The following PHACTR1 variants were observed in gnomAD, a reference collection of about 807,000 sequenced individuals.
The protein encoded by PHACTR1 is RPEL repeat containing 1.
PHACTR1 carries 16 observed loss-of-function variants against 69.2 expected under a neutral mutation model. The ratio of observed to expected loss-of-function variants is 0.23; its 90% CI spans 0.16 to 0.35. The LOEUF is 0.35. Ranked by LOEUF, PHACTR1 falls within the 10% of genes least tolerant of loss-of-function variation. PHACTR1 has a pLI of 1.00. For missense variants in PHACTR1, 510 were observed against 734.7 expected (o/e 0.69, Z 3.54); for synonymous variants, 312 against 284.5 (o/e 1.10, Z -0.97).
intron 5 of PHACTR1, among the ~76,000 whole-genome samples, chr6:13,106,987 T>C (rs1017585076): frequency 2.0e-5 from 3 of 152,244 alleles, no homozygotes; most frequent in Admixed American, 6.5e-5. Context: ...ATGTTTATGT[T>C]CATGAGAGAT....
At chr6:12,845,053 C>CAA (rs1779066934) in intron 4 of PHACTR1, among the ~76,000 whole-genome samples, 1 of 152,122 alleles carries the variant, frequency 6.6e-6, no homozygotes, top group Non-Finnish European at 1.5e-5. Flanking sequence ...TTAATAAAGC[C>CAA]ATAATGGTAT....
chr6:13,271,382 A>T (rs1455649452), intron 10 of PHACTR1, among the ~76,000 whole-genome samples: 1 of 152,198 alleles, frequency 6.6e-6, no homozygotes, highest in Non-Finnish European at 1.5e-5. Flanking sequence ...GAGACATTGA[A>T]GCCCATTCCC....
At chr6:13,051,850 A>G (rs2127733767) in intron 4 of PHACTR1, among the ~76,000 whole-genome samples, 1 of 152,260 alleles carries the variant, frequency 6.6e-6, no homozygotes, top group African/African-American at 2.4e-5. Context: ...TTCCCCAGAA[A>G]TGATCATAGT....
intron 8 of PHACTR1, among the ~76,000 whole-genome samples, chr6:13,211,580 T>C (rs759654541): frequency 3.3e-5 from 5 of 152,212 alleles, no homozygotes; most frequent in African/African-American, 4.8e-5. Flanking sequence ...CTTTCCCTTC[T>C]CAATTAAAGG....
intron 4 of PHACTR1, among the ~76,000 whole-genome samples, chr6:12,881,275 C>T (rs73362158): frequency 0.069 from 10,493 of 152,182 alleles, 433 homozygotes; most frequent in Middle Eastern, 0.12. Flanking sequence ...GAGTGACTCT[C>T]AAGTTTCCAG....
chr6:12,742,084 G>C (rs1419612694), intron 3 of PHACTR1, among the ~76,000 whole-genome samples: 2 of 151,878 alleles, frequency 1.3e-5, no homozygotes, highest in Non-Finnish European at 2.9e-5. Flanking sequence ...ATGATTTGGG[G>C]GGGATTTTTT....
intron 10 of PHACTR1, among the ~76,000 whole-genome samples, chr6:13,257,976 G>A (rs1775405390): frequency 6.6e-6 from 1 of 152,126 alleles, no homozygotes; most frequent in African/African-American, 2.4e-5. Flanking sequence ...TGACGCTGGG[G>A]ACCACGCTGT....
At chr6:12,750,065 G>A (rs1213694666) in intron 4 of PHACTR1, among the ~76,000 whole-genome samples, 1 of 152,154 alleles carries the variant, frequency 6.6e-6, no homozygotes, top group African/African-American at 2.4e-5. Context: ...GTGATCCCGG[G>A]AATAACCCGG....
intron 4 of PHACTR1, among the ~76,000 whole-genome samples, chr6:12,876,391 T>C (rs1485964579): frequency 6.6e-6 from 1 of 152,192 alleles, no homozygotes; most frequent in Admixed American, 6.5e-5. Context: ...ATTCCCAGTT[T>C]ACAGATAAAG....
At chr6:12,836,478 T>C (rs1778178843) in intron 4 of PHACTR1, among the ~76,000 whole-genome samples, 1 of 152,170 alleles carries the variant, frequency 6.6e-6, no homozygotes, top group African/African-American at 2.4e-5. Context: ...CAAAGGATAC[T>C]AGGCTAAACA....
At chr6:13,181,201 C>CGG (rs1762134725) in intron 6 of PHACTR1, among the ~76,000 whole-genome samples, 1 of 99,146 alleles carries the variant, frequency 1.0e-5, no homozygotes, top group Non-Finnish European at 2.0e-5. Context: ...TCTAATCGGG[C>CGG]GGGGGTGGGC....
At chr6:12,992,946 A>T (rs908171127) in intron 4 of PHACTR1, among the ~76,000 whole-genome samples, 2 of 152,162 alleles carry the variant, frequency 1.3e-5, no homozygotes, top group African/African-American at 2.4e-5. Context: ...TATTATGCAA[A>T]TGGGTTCTTT....
chr6:12,781,967 C>T (rs1293078612), intron 4 of PHACTR1, among the ~76,000 whole-genome samples: 1 of 152,194 alleles, frequency 6.6e-6, no homozygotes, highest in Non-Finnish European at 1.5e-5. Context: ...GGCCAAGTCA[C>T]CCATCTGACA....
chr6:13,086,887 A>G (rs1472501857), intron 5 of PHACTR1, among the ~76,000 whole-genome samples: 2 of 152,108 alleles, frequency 1.3e-5, no homozygotes, highest in African/African-American at 4.8e-5. Flanking sequence ...CCCATCAACA[A>G]GGTGATAGAG....
intron 10 of PHACTR1, among the ~76,000 whole-genome samples, chr6:13,263,342 T>TAA (rs1172158230): frequency 1.3e-5 from 1 of 79,716 alleles, no homozygotes; most frequent in Non-Finnish European, 3.1e-5. Context: ...TTGTTCAGAC[T>TAA]GAAAAAAAAA....
At chr6:12,843,437 GA>G (rs1778895200) in intron 4 of PHACTR1, among the ~76,000 whole-genome samples, 5 of 152,294 alleles carry the variant, frequency 3.3e-5, no homozygotes, top group Admixed American at 2.6e-4. Context: ...GCAGAGCCCA[GA>G]GAGTGGAAAA....
chr6:13,039,558 G>T (rs2127709464), intron 4 of PHACTR1, among the ~76,000 whole-genome samples: 1 of 152,258 alleles, frequency 6.6e-6, no homozygotes, highest in Non-Finnish European at 1.5e-5. Flanking sequence ...GCACTCTCCT[G>T]AGTTTTTCTG....
intron 8 of PHACTR1, among the ~76,000 whole-genome samples, chr6:13,219,655 A>T: frequency 6.6e-6 from 1 of 152,042 alleles, no homozygotes; most frequent in Non-Finnish European, 1.5e-5. Flanking sequence ...TTGTATCCCC[A>T]AGTCTAGAAT....
At chr6:12,783,225 G>A (rs757541160) in intron 4 of PHACTR1, among the ~76,000 whole-genome samples, 31 of 152,114 alleles carry the variant, frequency 2.0e-4, no homozygotes, top group Non-Finnish European at 4.4e-4. Flanking sequence ...TGCCCAGGTA[G>A]GTTGCACGAA....
Sources: gnomAD v4.1 joint callset for allele counts (sites outside exome capture counted in the v4.1 genomes callset) on GRCh38, gnomAD v4.1.1 for gene constraint, MANE v1.5 for transcripts, NCBI Gene and HGNC (gene_info 2026-07-23, HGNC 2026-07-21) for gene names.